The following CCSER1 variants were observed in gnomAD, a reference collection of about 807,000 sequenced individuals.
CCSER1 encodes the protein serine-rich coiled-coil domain-containing protein 1.
In CCSER1, 41 loss-of-function variants were observed where a neutral mutation model predicts 82.0. The observed-to-expected ratio is 0.50, with a 90% CI of 0.39 to 0.65. The LOEUF is 0.65. Ranked by LOEUF, CCSER1 falls within the 30% of genes least tolerant of loss-of-function variation. CCSER1 has a pLI of 0.00. For synonymous variants in CCSER1, 414 were observed against 383.9 expected, an observed-to-expected ratio of 1.08 and a Z score of -0.92; for missense variants, 1,119 against 1,064.2, an observed-to-expected ratio of 1.05 and a Z score of -0.72.
At chr4:91,562,942 T>C (rs1260047351) in intron 10 of CCSER1, among the ~76,000 whole-genome samples, 2 of 151,586 alleles carry the variant, frequency 1.3e-5, no homozygotes, top group African/African-American at 4.8e-5. Flanking sequence ...ATAAGTTTGC[T>C]GAATTGATAA....
intron 7 of CCSER1, among the ~76,000 whole-genome samples, 177 bp from the exon 8 acceptor site, chr4:90,815,585 T>C (rs1265951878): frequency 1.3e-5 from 2 of 151,816 alleles, no homozygotes. Context: ...ATTTTTTGGA[T>C]ACATTAACTT....
At chr4:91,386,057 A>G (rs2149344265) in intron 10 of CCSER1, among the ~76,000 whole-genome samples, 1 of 151,900 alleles carries the variant, frequency 6.6e-6, no homozygotes, top group Admixed American at 6.6e-5. Context: ...ACAGATATTC[A>G]AGCTCTGACA....
chr4:91,256,584 G>C (rs1391033256), intron 10 of CCSER1, among the ~76,000 whole-genome samples: 4 of 152,132 alleles, frequency 2.6e-5, no homozygotes, highest in South Asian at 2.1e-4. Context: ...CCCTTTTTTA[G>C]TCTTTCCCTT....
In CCSER1 at chr4:90,764,233, A is replaced by G. The variant is rs74970257; in HGVS notation, c.2010+40242A>G. On this transcript the variant is annotated intron_variant, in intron 7 of 10. Coordinates refer to ENST00000509176, the MANE Select transcript of CCSER1 (RefSeq NM_001145065.2). ...GCAAGCTTGCACTTAACACATGATT[A>G]TTTAATAAAAAAAAGAGAAGTACTT... Among the ~76,000 whole-genome samples the G allele has an allele frequency of 7.0e-3, 1,059 of 152,266 alleles. 43 individuals are homozygous for G. The highest frequency in any genetic ancestry group is 0.059 in the Admixed American group (901 of 15,262).
chr4:91,013,373 C>A (rs1044597405), intron 9 of CCSER1, among the ~76,000 whole-genome samples: 2 of 133,202 alleles, frequency 1.5e-5, no homozygotes, highest in African/African-American at 2.5e-5. Flanking sequence ...GATCATTTGA[C>A]TATATATGCA....
intron 1 of CCSER1, among the ~76,000 whole-genome samples, chr4:90,276,303 CT>C (rs1727759969): frequency 8.5e-6 from 1 of 118,240 alleles, no homozygotes; most frequent in Non-Finnish European, 1.7e-5. Context: ...TCCTTCCTTC[CT>C]TCCTTTCTTT....
intron 8 of CCSER1, among the ~76,000 whole-genome samples, chr4:90,876,815 C>G (rs757883856): frequency 1.3e-5 from 2 of 152,086 alleles, no homozygotes; most frequent in Non-Finnish European, 2.9e-5. Context: ...CTAATACTTT[C>G]AATCAAAATT....
intron 9 of CCSER1, chr4:90,951,051 G>A (rs1178148596): frequency 6.6e-6 from 1 of 152,022 alleles, no homozygotes; most frequent in Non-Finnish European, 1.5e-5. Flanking sequence ...CTTAGCATTG[G>A]TAGAGATTAG....
intron 8 of CCSER1, among the ~76,000 whole-genome samples, chr4:90,854,321 T>A (rs1051209142): frequency 6.6e-6 from 1 of 152,318 alleles, no homozygotes; most frequent in Non-Finnish European, 1.5e-5. Flanking sequence ...AGGTACAGTA[T>A]CCATGCTGGA....
intron 8 of CCSER1, among the ~76,000 whole-genome samples, chr4:90,887,239 C>T (rs1487311686): frequency 2.0e-5 from 3 of 151,916 alleles, no homozygotes; most frequent in Non-Finnish European, 4.4e-5. Context: ...ATAAAGATTC[C>T]ATAAATAACA....
chr4:90,599,757 A>T (rs1409284930), intron 5 of CCSER1, among the ~76,000 whole-genome samples: 1 of 152,128 alleles, frequency 6.6e-6, no homozygotes, highest in Non-Finnish European at 1.5e-5. Flanking sequence ...GCAGCTGCTT[A>T]TTCATTAGTT....
intron 10 of CCSER1, among the ~76,000 whole-genome samples, chr4:91,345,759 T>C (rs2149292879): frequency 6.6e-6 from 1 of 152,290 alleles, no homozygotes; most frequent in Non-Finnish European, 1.5e-5. Flanking sequence ...AAATGTATAA[T>C]AATATGGATT....
chr4:90,490,402 A>C (rs968393684), intron 5 of CCSER1, among the ~76,000 whole-genome samples: 1 of 151,896 alleles, frequency 6.6e-6, no homozygotes, highest in Non-Finnish European at 1.5e-5. Context: ...GTTTGAGTTC[A>C]TTGTAGATTC....
chr4:91,494,106 T>C (rs1456485005), intron 10 of CCSER1, among the ~76,000 whole-genome samples: 2 of 151,904 alleles, frequency 1.3e-5, no homozygotes, highest in African/African-American at 2.4e-5. Flanking sequence ...AGGTGCCATC[T>C]TCTAAGTAAA....
intron 10 of CCSER1, among the ~76,000 whole-genome samples, chr4:91,132,313 A>C (rs1459721413): frequency 6.6e-6 from 1 of 152,198 alleles, no homozygotes. Context: ...TACAAGTATA[A>C]GATGAATAAG....
intron 7 of CCSER1, among the ~76,000 whole-genome samples, chr4:90,790,144 G>A (rs934568497): frequency 6.6e-6 from 1 of 152,066 alleles, no homozygotes; most frequent in Non-Finnish European, 1.5e-5. Context: ...AATTATTTCT[G>A]TGTGAATTAT....
intron 1 of CCSER1, among the ~76,000 whole-genome samples, chr4:90,286,400 C>G (rs1252907571): frequency 1.3e-5 from 2 of 151,904 alleles, no homozygotes; most frequent in Non-Finnish European, 2.9e-5. Context: ...CATAAGGTGA[C>G]AATTTCAATA....
At chr4:90,583,687 C>T (rs1781671640) in intron 5 of CCSER1, among the ~76,000 whole-genome samples, 1 of 151,938 alleles carries the variant, frequency 6.6e-6, no homozygotes. Context: ...TCAAAGGTCA[C>T]AATTTTCAAA....
intron 8 of CCSER1, among the ~76,000 whole-genome samples, chr4:90,824,690 T>C (rs1760184620): frequency 6.6e-6 from 1 of 152,144 alleles, no homozygotes; most frequent in Admixed American, 6.5e-5. Flanking sequence ...TCTATTATAA[T>C]TTATGGTATT....
Sources: gnomAD v4.1 joint callset for allele counts (sites outside exome capture counted in the v4.1 genomes callset) on GRCh38, gnomAD v4.1.1 for gene constraint, MANE v1.5 for transcripts, NCBI Gene and HGNC (gene_info 2026-07-23, HGNC 2026-07-21) for gene names.